RANBP2: variants seen among roughly 807,000 people sequenced by gnomAD.
The protein encoded by RANBP2 is RAN binding protein 2.
In RANBP2, 57 loss-of-function variants were observed where a neutral mutation model predicts 303.6. That is an observed-to-expected ratio of 0.19 (90% CI 0.15 to 0.23). RANBP2 has a LOEUF of 0.23. Ranked by LOEUF, RANBP2 falls within the 10% of genes least tolerant of loss-of-function variation. The pLI is 1.00. For missense variants in RANBP2, 3,138 were observed against 3,780.8 expected, an observed-to-expected ratio of 0.83 and a Z score of 4.46; for synonymous variants, 1,167 against 1,301.5, an observed-to-expected ratio of 0.90 and a Z score of 2.23.
chr2:109,723,702 C>A, the RANBP2 span, among the ~76,000 whole-genome samples: 1 of 152,020 alleles, frequency 6.6e-6, no homozygotes, highest in African/African-American at 2.4e-5. Context: ...AACTTTTCTC[C>A]CATTCTGTAT....
At chr2:109,185,617 G>A in the RANBP2 span, among the ~76,000 whole-genome samples, 3 of 152,120 alleles carry the variant, frequency 2.0e-5, no homozygotes, top group African/African-American at 4.8e-5. Context: ...CAGAGAAGCC[G>A]GAGCCAAGTC....
At chr2:109,559,921 T>C in the RANBP2 span, among the ~76,000 whole-genome samples, 1 of 149,588 alleles carries the variant, frequency 6.7e-6, no homozygotes, top group African/African-American at 2.5e-5. Context: ...CTTTTTTTTT[T>C]TTTTTTTTTT....
At chr2:109,643,635 C>T in the RANBP2 span, among the ~76,000 whole-genome samples, 4 of 151,700 alleles carry the variant, frequency 2.6e-5, no homozygotes, top group Non-Finnish European at 4.4e-5. Flanking sequence ...CGTGGTGGCA[C>T]GTGACTGTGG....
the RANBP2 span, among the ~76,000 whole-genome samples, chr2:109,424,565 GTC>G: frequency 6.6e-6 from 1 of 152,202 alleles, no homozygotes. Flanking sequence ...CTCACTTCGA[GTC>G]TCTGTGTCAC....
chr2:109,693,470 G>C, the RANBP2 span, among the ~76,000 whole-genome samples: 6 of 152,124 alleles, frequency 3.9e-5, no homozygotes, highest in African/African-American at 1.4e-4. Flanking sequence ...ACAACTCCTG[G>C]TGGCAGATAA....
chr2:109,712,228 G>A, the RANBP2 span, among the ~76,000 whole-genome samples: 1 of 152,060 alleles, frequency 6.6e-6, no homozygotes, highest in African/African-American at 2.4e-5. Flanking sequence ...TGACAGGCCT[G>A]GAATGGAGAG....
At chr2:108,960,043 A>T in the RANBP2 span, among the ~76,000 whole-genome samples, 2 of 152,148 alleles carry the variant, frequency 1.3e-5, no homozygotes, top group Non-Finnish European at 2.9e-5. Flanking sequence ...TGGCTCTGAG[A>T]AAGCAGTGCC....
At chr2:109,707,432 T>C in the RANBP2 span, among the ~76,000 whole-genome samples, 3 of 152,216 alleles carry the variant, frequency 2.0e-5, no homozygotes, top group South Asian at 6.2e-4. Context: ...TATGGGCTTA[T>C]TGGAAAGCAA....
chr2:109,036,538 C>T, the RANBP2 span, among the ~76,000 whole-genome samples: 116 of 152,058 alleles, frequency 7.6e-4, 2 homozygotes, highest in Non-Finnish European at 4.0e-4. Flanking sequence ...TTCAATATTC[C>T]AGAATCAGTC....
chr2:109,049,510 C>T, the RANBP2 span, among the ~76,000 whole-genome samples: 3 of 152,200 alleles, frequency 2.0e-5, no homozygotes, highest in Non-Finnish European at 4.4e-5. Context: ...TCTGAAGAAG[C>T]TCCCCTTGTG....
the RANBP2 span, among the ~76,000 whole-genome samples, chr2:109,057,664 T>C: frequency 6.6e-6 from 1 of 152,218 alleles, no homozygotes; most frequent in Non-Finnish European, 1.5e-5. Flanking sequence ...TCCGATTAGC[T>C]GTGTTCTGTT....
the RANBP2 span, chr2:109,546,056 C>G: frequency 1.3e-6 from 2 of 1,573,416 alleles, no homozygotes; most frequent in East Asian, 2.3e-5. Flanking sequence ...TTACTTCTTA[C>G]GGTCCTTGTC....
chr2:108,796,195 C>T, the RANBP2 span, among the ~76,000 whole-genome samples: 1 of 152,040 alleles, frequency 6.6e-6, no homozygotes, highest in Non-Finnish European at 1.5e-5. Flanking sequence ...ACTACAGGCA[C>T]CTGCCACCGC....
At chr2:108,724,322 C>G (rs543700162) in intron 1 of RANBP2, among the ~76,000 whole-genome samples, 1 of 152,050 alleles carries the variant, frequency 6.6e-6, no homozygotes, top group Non-Finnish European at 1.5e-5. Context: ...CCACCATGCC[C>G]GGCTAATTTT....
At chr2:109,200,646 C>A in the RANBP2 span, among the ~76,000 whole-genome samples, 1 of 152,152 alleles carries the variant, frequency 6.6e-6, no homozygotes, top group African/African-American at 2.4e-5. Context: ...CCTGCCCCAC[C>A]CCTACCTGGC....
At chr2:108,878,324 CT>C in the RANBP2 span, 1 of 190,370 alleles carries the variant, frequency 5.3e-6, no homozygotes, top group East Asian at 1.3e-4. Context: ...TCTCACAAGT[CT>C]TTCAGGGTCA....
chr2:108,849,325 G>C, the RANBP2 span, among the ~76,000 whole-genome samples: 1 of 152,134 alleles, frequency 6.6e-6, no homozygotes, highest in Non-Finnish European at 1.5e-5. Flanking sequence ...TTTGAAATAT[G>C]GTGAAAACTA....
chr2:109,122,891 A>G, the RANBP2 span, among the ~76,000 whole-genome samples: 1 of 152,302 alleles, frequency 6.6e-6, no homozygotes, highest in East Asian at 1.9e-4. Flanking sequence ...ACACCCACAC[A>G]AAAACCCAAA....
At chr2:108,854,511 A>C in the RANBP2 span, among the ~76,000 whole-genome samples, 1 of 152,170 alleles carries the variant, frequency 6.6e-6, no homozygotes, top group African/African-American at 2.4e-5. Context: ...AGACATTATT[A>C]CTTATTATAA....
Sources: allele counts gnomAD v4.1 joint callset (sites outside exome capture counted in the v4.1 genomes callset), GRCh38; gene constraint gnomAD v4.1.1; transcripts MANE v1.5; gene names NCBI Gene and HGNC (gene_info 2026-07-23, HGNC 2026-07-21).